The following RAB31 variants were observed in gnomAD, a reference collection of about 807,000 sequenced individuals.
RAB31 encodes RAB31, member RAS oncogene family, also known as ras-related protein Rab-31.
In RAB31, 21 loss-of-function variants were observed where a neutral mutation model predicts 25.6. The ratio of observed to expected loss-of-function variants is 0.82; its 90% CI spans 0.58 to 1.18. The LOEUF (loss-of-function observed/expected upper bound fraction) is 1.18. Ranked by LOEUF, RAB31 falls within the 50% of genes most tolerant of loss-of-function variation. The probability of loss-of-function intolerance (pLI) is 0.00; values close to 1 mark genes in which losing one functional copy is unlikely to be tolerated. For synonymous variants in RAB31, 87 were observed against 84.0 expected (o/e 1.04, Z -0.20); for missense variants, 196 against 250.1 (o/e 0.78, Z 1.46).
At chr18:9,804,457 C>T (rs543929221) in intron 3 of RAB31, among the ~76,000 whole-genome samples, 2 of 152,224 alleles carry the variant, frequency 1.3e-5, no homozygotes, top group South Asian at 2.1e-4. Flanking sequence ...AACACAGAGC[C>T]GCTGAGACAG....
In RAB31 at chr18:9,861,437, CCAGT is replaced by C. The variant is rs1191909632; in HGVS notation, c.*2116_*2119del. 6.6e-6 allele frequency: 1 copy of C among 152,132 alleles called. No individual in the cohort carries two copies. The highest frequency in any genetic ancestry group is 1.5e-5 in the Non-Finnish European group (1 of 68,036). 9.4% of individuals were successfully genotyped at this position (152,132 alleles called of 1,614,324 possible). ...TTCTGTATTGTCTTAGCTATTCAAGCCAGTCAGAGGATAATATATATATTCTCAT... is the reference window on the plus strand; with the variant it reads ...TTCTGTATTGTCTTAGCTATTCAAGCCAGAGGATAATATATATATTCTCAT... On this transcript the variant is annotated 3_prime_UTR_variant, in exon 7 of 7. Coordinates refer to ENST00000578921, the MANE Select transcript of RAB31 (RefSeq NM_006868.4).
chr18:9,720,458 T>A (rs2068068409), intron 1 of RAB31, among the ~76,000 whole-genome samples: 1 of 151,744 alleles, frequency 6.6e-6, no homozygotes, highest in Admixed American at 6.6e-5. Context: ...GCTGGTGGAG[T>A]TTGGGGTGAC....
chr18:9,821,434 G>C (rs941235217), intron 5 of RAB31, among the ~76,000 whole-genome samples: 11 of 151,920 alleles, frequency 7.2e-5, no homozygotes, highest in Non-Finnish European at 1.0e-4. Context: ...TATTTTTTAG[G>C]ATTACATTCT....
intron 5 of RAB31, among the ~76,000 whole-genome samples, chr18:9,826,541 G>A (rs1203619838): frequency 2.6e-5 from 4 of 152,152 alleles, no homozygotes; most frequent in Admixed American, 1.3e-4. Context: ...ACCAGGAGAA[G>A]AGATGTGATT....
intron 1 of RAB31, among the ~76,000 whole-genome samples, chr18:9,744,616 G>A (rs1350815852): frequency 2.0e-5 from 3 of 152,050 alleles, no homozygotes; most frequent in Admixed American, 2.0e-4. Flanking sequence ...GACAAGAATG[G>A]GCCCTAACAA....
At chr18:9,765,492 T>C (rs1470816293) in intron 1 of RAB31, among the ~76,000 whole-genome samples, 1 of 152,228 alleles carries the variant, frequency 6.6e-6, no homozygotes, top group Non-Finnish European at 1.5e-5. Flanking sequence ...AGTTTGATAA[T>C]GTTTTCTGCT....
chr18:9,842,929 A>G (rs1166845720), intron 5 of RAB31, among the ~76,000 whole-genome samples: 2 of 152,176 alleles, frequency 1.3e-5, no homozygotes, highest in African/African-American at 2.4e-5. Context: ...CTCCATATTT[A>G]TGTTGTAGAC....
rs1428213368 is a variant in RAB31 at position 9,849,767 on chromosome 18, T to C, written c.490+4076T>C. The C allele has an allele frequency of 3.9e-5, 6 of 152,250 alleles. No individual in the cohort carries two copies. In the East Asian group the frequency reaches 1.2e-3, roughly 29 times the overall value. The allele number at this position is 152,250 out of a possible 1,614,324, so 9.4% of individuals were successfully genotyped here. A position where few individuals can be genotyped will look rare whatever the true frequency, so the allele number is the denominator to read the frequency against. Reference sequence around the variant, plus strand: ...GAAAAGGCCAGTGGGCAAAGAGCTATCAGGCAGAGCAAACCGCAGGAGCCA... The same window carrying C: ...GAAAAGGCCAGTGGGCAAAGAGCTACCAGGCAGAGCAAACCGCAGGAGCCA... On this transcript the variant is annotated intron_variant, in intron 6 of 6. Transcript: ENST00000578921.
intron 1 of RAB31, among the ~76,000 whole-genome samples, chr18:9,720,351 C>A (rs1426392469): frequency 6.6e-6 from 1 of 152,198 alleles, no homozygotes; most frequent in Non-Finnish European, 1.5e-5. Context: ...ATGTCCTTGG[C>A]CTGCTAGGGC....
At chr18:9,839,777 G>A (rs564138792) in intron 5 of RAB31, among the ~76,000 whole-genome samples, 1 of 152,122 alleles carries the variant, frequency 6.6e-6, no homozygotes, top group Non-Finnish European at 1.5e-5. Context: ...CAGCATGAAC[G>A]GCAGGTCCCT....
intron 1 of RAB31, among the ~76,000 whole-genome samples, chr18:9,756,073 G>T (rs924259316): frequency 6.6e-6 from 1 of 152,234 alleles, no homozygotes; most frequent in African/African-American, 2.4e-5. Flanking sequence ...TTGCAGAAGT[G>T]CTGGATGATT....
At chr18:9,792,102 C>G (rs1568180198) in intron 2 of RAB31, 52 bp from the exon 3 acceptor site, 3 of 1,557,374 alleles carry the variant, frequency 1.9e-6, no homozygotes, top group Middle Eastern at 1.7e-4. Flanking sequence ...ATTTGTGAAT[C>G]TTTGTGAAGA....
At chr18:9,714,487 G>A (rs1309543309) in intron 1 of RAB31, among the ~76,000 whole-genome samples, 1 of 152,212 alleles carries the variant, frequency 6.6e-6, no homozygotes, top group Non-Finnish European at 1.5e-5. Flanking sequence ...TTCCTAACAA[G>A]CCATGGGTCA....
chr18:9,778,821 T>A (rs1181180012), intron 2 of RAB31, among the ~76,000 whole-genome samples: 3 of 152,228 alleles, frequency 2.0e-5, no homozygotes, highest in Non-Finnish European at 2.9e-5. Context: ...TACCTGACCA[T>A]TGACCTGAAG....
rs528022619 is a variant in RAB31, at chr18:9,853,069, G to A, written c.491-6159G>A. Among the ~76,000 whole-genome samples the A allele has an allele frequency of 3.2e-4, 48 of 151,926 alleles. 1 individual carries two copies. The highest frequency in any genetic ancestry group is 5.7e-4 in the Non-Finnish European group (39 of 67,988). On this transcript the variant is annotated intron_variant, in intron 6 of 6. Coordinates refer to ENST00000578921, the MANE Select transcript of RAB31 (RefSeq NM_006868.4). ...TTCAAATTTTACCCATTTTGTAATGGGTCGTTTGTCTTCTTATTGTTGAGT... is the reference window on the plus strand; with the variant it reads ...TTCAAATTTTACCCATTTTGTAATGAGTCGTTTGTCTTCTTATTGTTGAGT...
chr18:9,761,865 T>C (rs1261542927), intron 1 of RAB31, among the ~76,000 whole-genome samples: 1 of 152,202 alleles, frequency 6.6e-6, no homozygotes, highest in Non-Finnish European at 1.5e-5. Context: ...TGGAGTGCAG[T>C]GGTGTGATCT....
intron 5 of RAB31, among the ~76,000 whole-genome samples, chr18:9,830,006 A>ATATTATTATTATTATTAT (rs201291302): frequency 6.6e-6 from 1 of 150,550 alleles, no homozygotes; most frequent in Non-Finnish European, 1.5e-5. Context: ...CTTTTAAAAA[A>ATATTATTATTATTATTAT]TATTATTATT....
At chr18:9,857,071 T>C (rs1385791523) in intron 6 of RAB31, among the ~76,000 whole-genome samples, 2 of 152,214 alleles carry the variant, frequency 1.3e-5, no homozygotes, top group Admixed American at 1.3e-4. Context: ...ACTGAAGTTT[T>C]TGGAGATGTC....
At chr18:9,738,313 A>G (rs1037216807) in intron 1 of RAB31, among the ~76,000 whole-genome samples, 1 of 152,132 alleles carries the variant, frequency 6.6e-6, no homozygotes, top group African/African-American at 2.4e-5. Flanking sequence ...GGCAGCCCCC[A>G]GGTAGCTTTA....
Sources: allele counts gnomAD v4.1 joint callset (sites outside exome capture counted in the v4.1 genomes callset), GRCh38; gene constraint gnomAD v4.1.1; transcripts MANE v1.5; gene names NCBI Gene and HGNC (gene_info 2026-07-23, HGNC 2026-07-21).